ADGRF3: variants seen among roughly 807,000 people sequenced by gnomAD.
The protein encoded by ADGRF3 is G protein-coupled receptor 113.
Under a neutral mutation model 93.2 loss-of-function variants are expected in ADGRF3, and 85 were observed. That is an observed-to-expected ratio of 0.91 (90% confidence interval 0.77 to 1.09). ADGRF3 has a LOEUF of 1.09. Among genes scored for constraint, ADGRF3 ranks in the 50% least tolerant of loss-of-function variants. The pLI is 0.00. For missense variants in ADGRF3, 1,125 were observed against 1,246.2 expected (o/e 0.90, Z 1.46); for synonymous variants, 534 against 532.5 (o/e 1.00, Z -0.04).
At position 26,311,087 on chromosome 2, in the gene ADGRF3, G is replaced by A. The variant is rs1464746381; in HGVS notation, c.2437C>T (p.Arg813Ter). 6.2e-6 allele frequency: 10 copies of A among 1,603,840 alleles called. No homozygotes were observed. Among genetic ancestry groups the A allele is most frequent in the African/African-American group, 2.7e-5 (2 of 74,676 alleles). Residue 813 changes from arginine (R) to a stop codon, truncating the protein, a stop_gained, in exon 10 of 14, where the codon CGA becomes TGA. Coordinates refer to ENST00000651242, the MANE Select transcript of ADGRF3 (RefSeq NM_001321971.2). LOFTEE classifies it high-confidence loss of function. ...AGGAGCACCATGAGGGGGAGAACTC[G>A]GTGCTTTGCCAGCTGGTGAAAGACA... The part of the protein sequence containing the change: ...LFVFHQLAKH[R>*]VLPLMVLLGY...
chr2:26,340,537 T>G (rs1028839774), intron 1 of ADGRF3: 1 of 152,132 alleles, frequency 6.6e-6, no homozygotes, highest in African/African-American at 2.4e-5. Context: ...AAAAGAACAG[T>G]GGTTACATTT....
chr2:26,319,097 G>C, intron 1 of ADGRF3: 1 of 1,525,184 alleles, frequency 6.6e-7, no homozygotes, highest in Non-Finnish European at 8.9e-7. Context: ...ATTTCCGCAA[G>C]GAAGAGCTGG....
chr2:26,322,080 C>T (rs1161195811), intron 1 of ADGRF3, among the ~76,000 whole-genome samples: 3 of 151,230 alleles, frequency 2.0e-5, no homozygotes, highest in Non-Finnish European at 4.4e-5. Flanking sequence ...GTCAGGAGTT[C>T]GAGACCAGCC....
chr2:26,343,724 TGAG>T (rs1676527204), intron 1 of ADGRF3, among the ~76,000 whole-genome samples: 1 of 152,196 alleles, frequency 6.6e-6, no homozygotes, highest in African/African-American at 2.4e-5. Context: ...ATTATAGGCG[TGAG>T]CCACGGCGCC....
At position 26,313,131 on chromosome 2, in the gene ADGRF3, G is replaced by A; in HGVS notation, c.1270-9C>T. ...TGGCCTGCCTGCAGCAGCTGAGACA[G>A]ACGAGACAGCATGAAGTGGGACACA... On this transcript the variant is annotated splice_polypyrimidine_tract_variant and intron_variant, in intron 8 of 13. Coordinates refer to ENST00000651242, the MANE Select transcript of ADGRF3 (RefSeq NM_001321971.2). 2 of 1,613,480 alleles carry A rather than the reference G, an allele frequency of 1.2e-6. No individual in the cohort carries two copies. The highest frequency in any genetic ancestry group is 1.7e-6 in the Non-Finnish European group (2 of 1,179,676).
intron 5 of ADGRF3, among the ~76,000 whole-genome samples, chr2:26,315,144 T>G (rs1360516288): frequency 6.6e-6 from 1 of 152,224 alleles, no homozygotes; most frequent in African/African-American, 2.4e-5. Flanking sequence ...CCCTGTAGCC[T>G]CTGGAAAGGG....
chr2:26,318,561 A>T (rs867228345), intron 1 of ADGRF3, among the ~76,000 whole-genome samples: 1 of 152,364 alleles, frequency 6.6e-6, no homozygotes, highest in Middle Eastern at 3.4e-3. Context: ...ATAGCTATCT[A>T]TTGAGGAGAA....
intron 1 of ADGRF3, chr2:26,318,952 C>T (rs375108388): frequency 1.2e-5 from 19 of 1,551,640 alleles, no homozygotes; most frequent in Non-Finnish European, 1.7e-5. Flanking sequence ...GGGTCTCACC[C>T]CAGTCTCACT....
At chr2:26,344,024 TGA>T (rs1676547263) in intron 1 of ADGRF3, among the ~76,000 whole-genome samples, 1 of 152,238 alleles carries the variant, frequency 6.6e-6, no homozygotes, top group Admixed American at 6.5e-5. Flanking sequence ...CATGTCATTT[TGA>T]GTTTGCTTAT....
chr2:26,334,741 GA>G (rs1675945655), intron 1 of ADGRF3, among the ~76,000 whole-genome samples: 1 of 152,078 alleles, frequency 6.6e-6, no homozygotes, highest in Non-Finnish European at 1.5e-5. Context: ...TAAAACCATA[GA>G]ACCTATAGTT....
chr2:26,316,887 A>T, intron 3 of ADGRF3, 25 bp downstream of exon 3: 1 of 1,586,082 alleles, frequency 6.3e-7, no homozygotes, highest in Non-Finnish European at 8.6e-7. Context: ...ATTCACTCTC[A>T]GCCCCCTTCC....
intron 3 of ADGRF3, 47 bp downstream of exon 3, chr2:26,316,865 G>A: frequency 6.4e-7 from 1 of 1,550,684 alleles, no homozygotes; most frequent in Non-Finnish European, 8.7e-7. Flanking sequence ...GGAGGCCCGG[G>A]AGCCTATGTT....
At position 26,308,808 on chromosome 2, in the gene ADGRF3, C is replaced by T. The variant is rs185292515; in HGVS notation, c.*278G>A. The stretch of plus-strand genomic sequence containing the variant: ...TGAGAAAGTTTACTTGTAATTATTC[C>T]GCACTTTGATATCTGTCGATTATTT... On this transcript the variant is annotated 3_prime_UTR_variant, in exon 14 of 14. Coordinates refer to ENST00000651242, the MANE Select transcript of ADGRF3 (RefSeq NM_001321971.2). The T allele has an allele frequency of 6.2e-5, 27 of 437,254 alleles. No individual in the cohort carries two copies. The East Asian group carries it at 6.6e-4, about 11-fold the overall frequency. 27.1% of individuals were successfully genotyped at this position (437,254 alleles called of 1,614,324 possible).
Position 26,308,491 on chromosome 2 carries a change from T to C in ADGRF3, c.*595A>G, listed in dbSNP as rs1026885664. On this transcript the variant is annotated 3_prime_UTR_variant, in exon 14 of 14. Coordinates refer to ENST00000651242, the MANE Select transcript of ADGRF3 (RefSeq NM_001321971.2). ...TATTCTTACAACGTGCTCATATCAA[T>C]CAATGCCTCTATACATGGATATGGT... is the stretch of plus-strand genomic sequence containing the variant. The C allele has an allele frequency of 1.3e-5, 2 of 152,184 alleles. No homozygotes were observed. The highest frequency in any genetic ancestry group is 4.8e-5 in the African/African-American group (2 of 41,438). The allele number at this position is 152,184 out of a possible 1,614,324, so 9.4% of individuals were successfully genotyped here. A position where few individuals can be genotyped will look rare whatever the true frequency, so the allele number is the denominator to read the frequency against.
At chr2:26,330,740 TTCTG>T (rs1354165128) in intron 1 of ADGRF3, among the ~76,000 whole-genome samples, 4 of 152,206 alleles carry the variant, frequency 2.6e-5, no homozygotes, top group Admixed American at 1.3e-4. Context: ...TCTTCTGTAG[TTCTG>T]TCTGTCTGTG....
In ADGRF3 at chr2:26,312,068, G is replaced by A. The variant is rs751537084; in HGVS notation, c.1456C>T (p.Leu486=). 6.2e-7 allele frequency: 1 copy of A among 1,605,710 alleles called. No homozygotes were observed. The highest frequency in any genetic ancestry group is 1.1e-5 in the South Asian group (1 of 90,620). ...TCTAGGACCTTGTCTGTGGCAATCAGGAGATTCTGCAGCACCCAAAAGAAA... is the reference window on the plus strand; with the variant it reads ...TCTAGGACCTTGTCTGTGGCAATCAAGAGATTCTGCAGCACCCAAAAGAAA... ...QLDRRALKNL[L]IATDKVLDMD... The change falls in exon 10 of 14, where the codon CTG becomes TTG. Residue 486 remains leucine, a synonymous_variant. Transcript: ENST00000651242.
intron 1 of ADGRF3, among the ~76,000 whole-genome samples, chr2:26,322,841 T>G (rs969218224): frequency 6.6e-6 from 1 of 152,100 alleles, no homozygotes; most frequent in Non-Finnish European, 1.5e-5. Context: ...AATAAAAATA[T>G]CATATCTGGC....
rs1673707548 is a variant in ADGRF3 at position 26,308,201 on chromosome 2, C to T, written c.*885G>A. The T allele has an allele frequency of 6.6e-6, 1 of 151,984 alleles. No individual in the cohort carries two copies. 9.4% of individuals were successfully genotyped at this position (151,984 alleles called of 1,614,324 possible). On this transcript the variant is annotated 3_prime_UTR_variant, in exon 14 of 14. Coordinates refer to ENST00000651242, the MANE Select transcript of ADGRF3 (RefSeq NM_001321971.2). ...GATAGCATAACCATTTTTATTTTAA[C>T]AGAAAATGCCCCCGTCCCATTTTAT...
chr2:26,336,355 T>G (rs1676039037), intron 1 of ADGRF3, among the ~76,000 whole-genome samples: 1 of 148,338 alleles, frequency 6.7e-6, no homozygotes, highest in African/African-American at 2.5e-5. Flanking sequence ...TTTGTATGTA[T>G]GTGTGTGTGC....
Sources: gnomAD v4.1 joint callset for allele counts (sites outside exome capture counted in the v4.1 genomes callset) on GRCh38, gnomAD v4.1.1 for gene constraint, MANE v1.5 for transcripts, NCBI Gene and HGNC (gene_info 2026-07-23, HGNC 2026-07-21) for gene names.